The following SLC22A24 variants were observed in gnomAD, a reference collection of about 807,000 sequenced individuals.
SLC22A24 encodes the protein steroid transmembrane transporter SLC22A24.
A neutral mutation model predicts 49.8 loss-of-function variants in SLC22A24; 53 were observed. That is an observed-to-expected ratio of 1.06 (90% CI 0.85 to 1.34). SLC22A24 has a LOEUF of 1.34. Ranked by LOEUF, SLC22A24 falls within the 40% of genes most tolerant of loss-of-function variation. The probability of loss-of-function intolerance (pLI) is 0.00; values close to 1 mark genes in which losing one functional copy is unlikely to be tolerated. For missense variants in SLC22A24, 786 were observed against 675.9 expected, an observed-to-expected ratio of 1.16 and a Z score of -1.81; for synonymous variants, 302 against 256.4, an observed-to-expected ratio of 1.18 and a Z score of -1.70.
chr11:63,131,253 G>A (rs10897372), intron 2 of SLC22A24, among the ~76,000 whole-genome samples: 121,085 of 151,964 alleles, frequency 0.8, 49,290 homozygotes, highest in East Asian at 0.9. Flanking sequence ...TGTGTCTTTT[G>A]ATTGGGGCAT....
In SLC22A24 at chr11:63,081,091, C is replaced by T. The variant is rs1287521623; in HGVS notation, c.1427G>A (p.Gly476Asp). Reference sequence around the variant, plus strand: ...AGGAGCCAGTGCTGCCCCAGTCCTACCGGACACTGCATTGATTCCTGCAAC... The same window carrying T: ...AGGAGCCAGTGCTGCCCCAGTCCTATCGGACACTGCATTGATTCCTGCAAC... ...STVAGINAVS[G>D]RTGAALAPLL... The change falls in exon 9 of 10, where the codon GGT becomes GAT. Residue 476 changes from glycine to aspartate, a missense_variant. By Grantham distance (94) the Gly-to-Asp change is moderately conservative (BLOSUM62 -1). Coordinates refer to ENST00000612278, the MANE Select transcript of SLC22A24 (RefSeq NM_001136506.2). 1.3e-6 allele frequency: 2 copies of T among 1,551,614 alleles called. No individual in the cohort carries two copies. Among genetic ancestry groups the T allele is most frequent in the South Asian group, 2.4e-5 (2 of 84,050 alleles).
chr11:63,114,964 G>A (rs2134663104), intron 4 of SLC22A24, among the ~76,000 whole-genome samples: 1 of 152,236 alleles, frequency 6.6e-6, no homozygotes, highest in Middle Eastern at 3.4e-3. Flanking sequence ...CTGCCTGTAT[G>A]AGGTGTCTGT....
At chr11:63,123,932 A>G (rs2087270157) in intron 2 of SLC22A24, among the ~76,000 whole-genome samples, 1 of 152,264 alleles carries the variant, frequency 6.6e-6, no homozygotes, top group African/African-American at 2.4e-5. Flanking sequence ...AAAAGGTTTT[A>G]TTGTAAAATT....
At chr11:63,107,043 C>G (rs990294904) in intron 4 of SLC22A24, among the ~76,000 whole-genome samples, 2 of 152,224 alleles carry the variant, frequency 1.3e-5, no homozygotes, top group East Asian at 1.9e-4. Context: ...AGGTTTTCTT[C>G]TAGGGTTTTT....
At chr11:63,103,362 A>C (rs1287673779) in intron 5 of SLC22A24, among the ~76,000 whole-genome samples, 1 of 152,176 alleles carries the variant, frequency 6.6e-6, no homozygotes, top group African/African-American at 2.4e-5. Flanking sequence ...TTTCTCAAAA[A>C]TACTCTGCAT....
Position 63,084,258 on chromosome 11 carries a change from A to T in SLC22A24, c.1071-801T>A, listed in dbSNP as rs1944048. On this transcript the variant is annotated intron_variant, in intron 6 of 9. Transcript: ENST00000612278. ...CTAAGCAGTCTAAGAGCTACAAGCA[A>T]TGGGTTATTAAATCATCAGAATTGA... 2.0e-5 allele frequency among the ~76,000 whole-genome samples: 3 copies of T among 151,998 alleles called. No individual in the cohort carries two copies. In the East Asian group the frequency reaches 5.8e-4, roughly 29 times the overall value.
Position 63,113,129 on chromosome 11 carries a change from T to C in SLC22A24, c.830+5783A>G, listed in dbSNP as rs868409768. On this transcript the variant is annotated intron_variant, in intron 4 of 9. Coordinates refer to ENST00000612278, the MANE Select transcript of SLC22A24 (RefSeq NM_001136506.2). ...ATATATATACACATATATATATACATATATATATACACATATATATATACA... is the reference window on the plus strand; with the variant it reads ...ATATATATACACATATATATATACACATATATATACACATATATATATACA... 4.1e-3 allele frequency among the ~76,000 whole-genome samples: 43 copies of C among 10,586 alleles called. 17 individuals carry two copies. The highest frequency in any genetic ancestry group is 8.1e-3 in the African/African-American group (36 of 4,446). The allele number at this position is 10,586 out of a possible 152,430, so 6.9% of individuals were successfully genotyped here.
At chr11:63,087,051 C>CACAA (rs2086991556) in intron 6 of SLC22A24, among the ~76,000 whole-genome samples, 1 of 110,714 alleles carries the variant, frequency 9.0e-6, no homozygotes, top group Non-Finnish European at 1.9e-5. Context: ...CACACACACA[C>CACAA]ACACACAGAG....
intron 2 of SLC22A24, among the ~76,000 whole-genome samples, chr11:63,132,038 A>G (rs1315606658): frequency 6.6e-6 from 1 of 151,982 alleles, no homozygotes; most frequent in Non-Finnish European, 1.5e-5. Flanking sequence ...TTCATCTTCA[A>G]TCATTGATAT....
At chr11:63,140,358 G>A (rs2087407164) in intron 1 of SLC22A24, among the ~76,000 whole-genome samples, 1 of 152,200 alleles carries the variant, frequency 6.6e-6, no homozygotes, top group African/African-American at 2.4e-5. Flanking sequence ...GGGACTACAG[G>A]CGTGAGCCAC....
chr11:63,114,114 T>C (rs570603625), intron 4 of SLC22A24, among the ~76,000 whole-genome samples: 11 of 152,304 alleles, frequency 7.2e-5, no homozygotes, highest in African/African-American at 2.6e-4. Flanking sequence ...TGGCCCTCCT[T>C]TCTGGGTTGG....
intron 7 of SLC22A24, 146 bp downstream of exon 7, chr11:63,083,097 C>T (rs2086968594): frequency 1.5e-6 from 1 of 656,416 alleles, no homozygotes; most frequent in South Asian, 1.9e-5. Flanking sequence ...TTGTCAGAAT[C>T]AGTTCCAAAC....
In SLC22A24 at chr11:63,126,199, A is replaced by G. The variant is rs146814258; in HGVS notation, c.507-6864T>C. ...TTTGTCTATTTTGGCTTTTGTTGCC[A>G]TTGCTTTGGTGTTGTAGATGTGAAG... On this transcript the variant is annotated intron_variant, in intron 2 of 9. Transcript: ENST00000612278. 2.5e-3 allele frequency among the ~76,000 whole-genome samples: 383 copies of G among 152,204 alleles called. 1 individual carries two copies. Among genetic ancestry groups the G allele is most frequent in the African/African-American group, 8.4e-3 (349 of 41,524 alleles).
intron 7 of SLC22A24, 31 bp downstream of exon 7, chr11:63,083,212 C>G (rs4963356): frequency 6.5e-7 from 1 of 1,528,530 alleles, no homozygotes; most frequent in Non-Finnish European, 8.9e-7. Flanking sequence ...GGGGTAACTA[C>G]TTTCTTTCCT....
intron 1 of SLC22A24, among the ~76,000 whole-genome samples, chr11:63,138,581 G>A (rs970079421): frequency 1.4e-5 from 2 of 138,890 alleles, no homozygotes; most frequent in African/African-American, 5.5e-5. Context: ...GGTGGAGCTT[G>A]CAGTGAGCCA....
intron 2 of SLC22A24, among the ~76,000 whole-genome samples, chr11:63,123,205 GCATAATGAATATTATGCA>G (rs1488538581): frequency 3.9e-5 from 6 of 152,096 alleles, no homozygotes; most frequent in Admixed American, 1.3e-4. Flanking sequence ...ATACTACAGT[GCATAATGAATATTATGCA>G]CATAATGAAT....
chr11:63,096,881 G>A (rs980752176), intron 5 of SLC22A24, among the ~76,000 whole-genome samples: 1 of 152,092 alleles, frequency 6.6e-6, no homozygotes, highest in African/African-American at 2.4e-5. Context: ...CAGGTGCTTA[G>A]TTTTCTTATC....
At chr11:63,101,149 A>T (rs1444783834) in intron 5 of SLC22A24, among the ~76,000 whole-genome samples, 1 of 152,100 alleles carries the variant, frequency 6.6e-6, no homozygotes, top group Non-Finnish European at 1.5e-5. Context: ...CAAACTACTC[A>T]TCTGACAAGG....
intron 4 of SLC22A24, chr11:63,116,300 G>T: frequency 8.2e-6 from 2 of 244,164 alleles, no homozygotes; most frequent in South Asian, 2.1e-4. Context: ...GCCATTTTTC[G>T]GACTGGTTGT....
Sources: gnomAD v4.1 joint callset for allele counts (sites outside exome capture counted in the v4.1 genomes callset) on GRCh38, gnomAD v4.1.1 for gene constraint, MANE v1.5 for transcripts, NCBI Gene and HGNC (gene_info 2026-07-23, HGNC 2026-07-21) for gene names.